Variants in SV2C observed in about 807,000 individuals in gnomAD.
The protein encoded by SV2C is solute carrier family 22 member B3.
A neutral mutation model predicts 79.7 loss-of-function variants in SV2C; 49 were observed. The observed-to-expected ratio is 0.61, with a 90% CI of 0.49 to 0.78. The LOEUF is 0.78. SV2C is among the 30% of genes least tolerant of loss of function. The pLI, the probability that SV2C is intolerant of heterozygous loss-of-function variation, is 0.00. For missense variants in SV2C, 833 were observed against 912.9 expected (o/e 0.91, Z 1.13); for synonymous variants, 334 against 333.2 (o/e 1.00, Z -0.03).
At chr5:76,286,875 C>G (rs10053972) in intron 6 of SV2C, 45,243 of 151,948 alleles carry the variant, frequency 0.3, 7,809 homozygotes, top group East Asian at 0.4. Context: ...GTCATGAGAA[C>G]AGCAGCATAG....
chr5:76,336,187 G>A (rs374954925), downstream of SV2C, among the ~76,000 whole-genome samples: 6,379 of 151,520 alleles, frequency 0.042, 400 homozygotes, highest in African/African-American at 0.14. Flanking sequence ...TGGCTGCCGG[G>A]CAGAGACGCT....
chr5:76,060,043 T>C, the SV2C span, among the ~76,000 whole-genome samples: 1 of 152,140 alleles, frequency 6.6e-6, no homozygotes. Context: ...GCAGTAGGCC[T>C]CAACAGTGCA....
chr5:76,253,361 G>A (rs1746169571), intron 4 of SV2C, among the ~76,000 whole-genome samples: 1 of 152,016 alleles, frequency 6.6e-6, no homozygotes, highest in Admixed American at 6.6e-5. Context: ...GCATGATCTT[G>A]GTTCACTGCA....
At position 76,261,537 on chromosome 5, in the gene SV2C, G is replaced by A. The variant is rs879726150; in HGVS notation, c.914-23625G>A. Among the ~76,000 whole-genome samples the A allele has an allele frequency of 7.2e-5, 11 of 152,240 alleles. No homozygotes were observed. In the East Asian group the frequency reaches 7.7e-4, roughly 11 times the overall value. Reference sequence around the variant, plus strand: ...TCTTGTGCCAGTTTTCAAAGGGAACGCTTCTAGTTTTTTGCCCATTCAGTA... The same window carrying A: ...TCTTGTGCCAGTTTTCAAAGGGAACACTTCTAGTTTTTTGCCCATTCAGTA... On this transcript the variant is annotated intron_variant, in intron 4 of 12. Transcript: ENST00000502798.
At chr5:76,153,486 G>A (rs1742624083) in intron 2 of SV2C, among the ~76,000 whole-genome samples, 1 of 152,276 alleles carries the variant, frequency 6.6e-6, no homozygotes, top group Admixed American at 6.5e-5. Flanking sequence ...TAGTCATCCA[G>A]CAAACACTTA....
chr5:75,860,170 C>A, the SV2C span, among the ~76,000 whole-genome samples: 1 of 152,164 alleles, frequency 6.6e-6, no homozygotes, highest in Non-Finnish European at 1.5e-5. Context: ...GCTCCTGGAA[C>A]TGACAAATGA....
At chr5:76,003,477 A>G in the SV2C span, among the ~76,000 whole-genome samples, 3 of 152,236 alleles carry the variant, frequency 2.0e-5, no homozygotes, top group Non-Finnish European at 4.4e-5. Flanking sequence ...ATAGGCAATT[A>G]TAATTGCTAG....
chr5:75,864,224 A>G, the SV2C span, among the ~76,000 whole-genome samples: 7 of 152,110 alleles, frequency 4.6e-5, no homozygotes, highest in Non-Finnish European at 7.4e-5. Context: ...TTTCATCTAT[A>G]TTTCCTGCCT....
chr5:76,299,643 A>G (rs973130806), intron 10 of SV2C, among the ~76,000 whole-genome samples: 2 of 152,206 alleles, frequency 1.3e-5, no homozygotes. Context: ...GAGCATCAGC[A>G]TTTGCCCTGT....
rs1385031917 is a variant in SV2C, at chr5:76,221,514, C to T, written c.913+11627C>T. Among the ~76,000 whole-genome samples, 8 of 152,284 alleles carry T rather than the reference C, an allele frequency of 5.3e-5. No homozygotes were observed. The South Asian group carries it at 1.0e-3, about 20-fold the overall frequency. ...GTAAATCATAATTACCCAAGCATGA[C>T]GTTGTGGACAAGTCACCCCAGTGCC... On this transcript the variant is annotated intron_variant, in intron 4 of 12. Transcript: ENST00000502798.
chr5:76,212,541 G>A (rs1317513192), intron 4 of SV2C, among the ~76,000 whole-genome samples: 2 of 151,316 alleles, frequency 1.3e-5, no homozygotes, highest in Non-Finnish European at 2.9e-5. Context: ...TCTGATGAGA[G>A]CCTTGCTCCT....
chr5:76,060,992 A>ACTTGGAGAT, the SV2C span, among the ~76,000 whole-genome samples: 1 of 151,996 alleles, frequency 6.6e-6, no homozygotes, highest in Admixed American at 6.6e-5. Flanking sequence ...AGGGAGAAAG[A>ACTTGGAGAT]CTTGGAGATG....
chr5:76,087,119 G>A (rs1352573618), intron 1 of SV2C, among the ~76,000 whole-genome samples: 1 of 152,192 alleles, frequency 6.6e-6, no homozygotes, highest in African/African-American at 2.4e-5. Flanking sequence ...AATTTTACAT[G>A]AAGCTATAGG....
At chr5:76,059,487 C>CT in the SV2C span, among the ~76,000 whole-genome samples, 50,429 of 149,056 alleles carry the variant, frequency 0.34, 9,356 homozygotes, top group African/African-American at 0.51. Flanking sequence ...TGAAGAAATC[C>CT]TTTTTTTTTT....
At chr5:75,969,088 G>A in the SV2C span, among the ~76,000 whole-genome samples, 4 of 152,154 alleles carry the variant, frequency 2.6e-5, no homozygotes, top group African/African-American at 9.7e-5. Flanking sequence ...CCTCGTCAGT[G>A]AAGGAGAAAT....
chr5:75,910,344 C>A, the SV2C span: 2 of 556,516 alleles, frequency 3.6e-6, no homozygotes, highest in South Asian at 1.4e-5. Context: ...CAAAGGAGAT[C>A]ATTATTCCCT....
intron 4 of SV2C, among the ~76,000 whole-genome samples, chr5:76,260,270 G>A (rs1364431444): frequency 4.6e-5 from 7 of 152,138 alleles, no homozygotes; most frequent in South Asian, 2.1e-4. Context: ...CATATCCTTC[G>A]CCTACTTTTT....
At chr5:75,911,082 C>T in the SV2C span, 2 of 1,374,236 alleles carry the variant, frequency 1.5e-6, no homozygotes, top group African/African-American at 1.4e-5. Flanking sequence ...GAACCTGATG[C>T]AGCCCGGGGG....
chr5:76,107,639 G>A (rs570587154), intron 1 of SV2C, among the ~76,000 whole-genome samples: 1 of 152,218 alleles, frequency 6.6e-6, no homozygotes, highest in Non-Finnish European at 1.5e-5. Flanking sequence ...CAAGGCAGGC[G>A]GATCACTTGA....
Sources: allele counts gnomAD v4.1 joint callset (sites outside exome capture counted in the v4.1 genomes callset), GRCh38; gene constraint gnomAD v4.1.1; transcripts MANE v1.5; gene names NCBI Gene and HGNC (gene_info 2026-07-23, HGNC 2026-07-21).